CTNNA3: variants seen among roughly 807,000 people sequenced by gnomAD.
The protein encoded by CTNNA3 is catenin alpha-3.
A neutral mutation model predicts 95.7 loss-of-function variants in CTNNA3; 76 were observed. That is an observed-to-expected ratio of 0.79 (90% CI 0.66 to 0.96). The LOEUF is 0.96. Among genes scored for constraint, CTNNA3 ranks in the 40% least tolerant of loss-of-function variants. The probability of loss-of-function intolerance (pLI) is 0.00; values close to 1 mark genes in which losing one functional copy is unlikely to be tolerated. For missense variants in CTNNA3, 1,191 were observed against 1,089.8 expected, an observed-to-expected ratio of 1.09 and a Z score of -1.31; for synonymous variants, 431 against 374.4, an observed-to-expected ratio of 1.15 and a Z score of -1.74.
intron 13 of CTNNA3, among the ~76,000 whole-genome samples, chr10:66,222,149 C>T (rs2088966303): frequency 6.6e-6 from 1 of 152,138 alleles, no homozygotes; most frequent in Non-Finnish European, 1.5e-5. Flanking sequence ...CTCTACCTTT[C>T]TCATGTACCC....
intron 7 of CTNNA3, among the ~76,000 whole-genome samples, chr10:66,792,697 A>T (rs1841023080): frequency 6.6e-6 from 1 of 152,176 alleles, no homozygotes; most frequent in Admixed American, 6.6e-5. Context: ...ACATGTACAA[A>T]CTTTCTGTTT....
At chr10:66,757,119 G>A (rs1256320973) in intron 9 of CTNNA3, among the ~76,000 whole-genome samples, 1 of 152,062 alleles carries the variant, frequency 6.6e-6, no homozygotes, top group Non-Finnish European at 1.5e-5. Context: ...ACGAGTAGAG[G>A]CCAACCCCTT....
chr10:67,482,725 T>C (rs528262092), intron 5 of CTNNA3, among the ~76,000 whole-genome samples: 2,588 of 152,256 alleles, frequency 0.017, 77 homozygotes, highest in African/African-American at 0.057. Context: ...CTTTTCCTAA[T>C]TGAATACCCT....
chr10:67,580,499 C>A (rs939601710), intron 3 of CTNNA3, among the ~76,000 whole-genome samples: 17 of 151,746 alleles, frequency 1.1e-4, no homozygotes, highest in African/African-American at 4.1e-4. Flanking sequence ...CATGATGCCT[C>A]CAGCTTTGTT....
At chr10:66,360,258 A>C (rs10997081) in intron 12 of CTNNA3, among the ~76,000 whole-genome samples, 3 of 151,676 alleles carry the variant, frequency 2.0e-5, no homozygotes, top group African/African-American at 7.3e-5. Flanking sequence ...TACATTATTC[A>C]ATATCTGTAC....
chr10:67,720,126 CTGCT>C (rs1841170617), intron 1 of CTNNA3, among the ~76,000 whole-genome samples: 1 of 4,432 alleles, frequency 2.3e-4, no homozygotes. Flanking sequence ...ATTGCAACCC[CTGCT>C]TTTTTTTTTT....
intron 7 of CTNNA3, among the ~76,000 whole-genome samples, chr10:67,131,947 T>C (rs77355445): frequency 0.021 from 3,189 of 152,200 alleles, 94 homozygotes; most frequent in African/African-American, 0.065. Context: ...ATCATACTCA[T>C]ATTTCCATTA....
chr10:66,459,491 C>A (rs1166622334), intron 11 of CTNNA3, among the ~76,000 whole-genome samples: 2 of 152,152 alleles, frequency 1.3e-5, no homozygotes, highest in African/African-American at 2.4e-5. Context: ...TTCCCACTGG[C>A]AATACCCAAG....
chr10:66,401,265 T>C (rs2093017568), intron 11 of CTNNA3, among the ~76,000 whole-genome samples: 2 of 151,968 alleles, frequency 1.3e-5, no homozygotes, highest in Admixed American at 1.3e-4. Flanking sequence ...AGTGGCTTAT[T>C]CCTATAATCC....
At chr10:67,100,607 C>T (rs915463633) in intron 7 of CTNNA3, among the ~76,000 whole-genome samples, 1 of 151,584 alleles carries the variant, frequency 6.6e-6, no homozygotes, top group Non-Finnish European at 1.5e-5. Flanking sequence ...TATTCCTCAC[C>T]GATTTAAACA....
intron 2 of CTNNA3, among the ~76,000 whole-genome samples, chr10:67,640,635 T>C (rs569118661): frequency 6.6e-6 from 1 of 152,252 alleles, no homozygotes; most frequent in South Asian, 2.1e-4. Flanking sequence ...CAAAACAGCA[T>C]GGTACTGGTA....
At chr10:66,689,344 G>A (rs1401602241) in intron 9 of CTNNA3, among the ~76,000 whole-genome samples, 2 of 152,156 alleles carry the variant, frequency 1.3e-5, no homozygotes, top group Non-Finnish European at 2.9e-5. Flanking sequence ...CTGGACAGTT[G>A]TCCCATAAAG....
chr10:66,881,579 T>A (rs1439216187), intron 7 of CTNNA3, among the ~76,000 whole-genome samples: 3 of 152,100 alleles, frequency 2.0e-5, no homozygotes, highest in African/African-American at 7.2e-5. Context: ...ATAATAACTT[T>A]AGATTTGTGG....
intron 15 of CTNNA3, among the ~76,000 whole-genome samples, chr10:66,018,187 T>TACACACACACACACACACACACACAC (rs59373779): frequency 5.1e-4 from 73 of 142,164 alleles, no homozygotes; most frequent in African/African-American, 1.8e-3. Flanking sequence ...ACAGCTCAAA[T>TACACACACACACACACACACACACAC]ACACACACAC....
At chr10:66,864,418 C>T (rs1032470059) in intron 7 of CTNNA3, among the ~76,000 whole-genome samples, 1 of 152,108 alleles carries the variant, frequency 6.6e-6, no homozygotes, top group Non-Finnish European at 1.5e-5. Flanking sequence ...AGAAGGCCCT[C>T]ATCAGAGGAC....
At chr10:66,170,116 T>C (rs1453663070) in intron 13 of CTNNA3, among the ~76,000 whole-genome samples, 1 of 152,198 alleles carries the variant, frequency 6.6e-6, no homozygotes, top group East Asian at 1.9e-4. Flanking sequence ...CTAGAAGGGT[T>C]TTTCTGATGT....
chr10:66,623,699 CAA>C (rs1394234296), intron 9 of CTNNA3, among the ~76,000 whole-genome samples: 1 of 142,258 alleles, frequency 7.0e-6, no homozygotes, highest in Non-Finnish European at 1.6e-5. Context: ...ACTGTTCTGT[CAA>C]AGTTACTAGG....
At chr10:67,253,641 G>A (rs910665038) in intron 5 of CTNNA3, among the ~76,000 whole-genome samples, 1 of 152,192 alleles carries the variant, frequency 6.6e-6, no homozygotes, top group Non-Finnish European at 1.5e-5. Context: ...CAACTGTTGG[G>A]AGTAGAGAAT....
At chr10:66,941,053 C>T (rs1047145463) in intron 7 of CTNNA3, among the ~76,000 whole-genome samples, 6 of 152,110 alleles carry the variant, frequency 3.9e-5, no homozygotes, top group Non-Finnish European at 1.5e-5. Flanking sequence ...CTCTTAAAGA[C>T]GATGGGGGAA....
Sources: gnomAD v4.1 joint callset for allele counts (sites outside exome capture counted in the v4.1 genomes callset) on GRCh38, gnomAD v4.1.1 for gene constraint, MANE v1.5 for transcripts, NCBI Gene and HGNC (gene_info 2026-07-23, HGNC 2026-07-21) for gene names.